The following MAF variants were observed in gnomAD, a reference collection of about 807,000 sequenced individuals.
MAF encodes transcription factor Maf.
Under a neutral mutation model 22.0 loss-of-function variants are expected in MAF, and 10 were observed. The observed-to-expected ratio is 0.45, with a 90% CI of 0.28 to 0.77. MAF has a LOEUF of 0.77. Ranked by LOEUF, MAF falls within the 30% of genes least tolerant of loss-of-function variation. The pLI, the probability that MAF is intolerant of heterozygous loss-of-function variation, is 0.12. For synonymous variants in MAF, 337 were observed against 255.8 expected, an observed-to-expected ratio of 1.32 and a Z score of -3.03; for missense variants, 544 against 548.4, an observed-to-expected ratio of 0.99 and a Z score of 0.08.
chr16:79,293,994 G>C, the MAF span, among the ~76,000 whole-genome samples: 1 of 152,180 alleles, frequency 6.6e-6, no homozygotes, highest in East Asian at 1.9e-4. Context: ...TTTCCCCACA[G>C]ATTTGCTGTA....
At chr16:79,311,945 G>A in the MAF span, among the ~76,000 whole-genome samples, 12 of 152,268 alleles carry the variant, frequency 7.9e-5, no homozygotes, top group East Asian at 3.9e-4. Context: ...GCAGGATGGC[G>A]GAGAGGGAAG....
At chr16:79,473,158 T>G in the MAF span, among the ~76,000 whole-genome samples, 148,099 of 152,200 alleles carry the variant, frequency 0.97, 72,200 homozygotes, top group East Asian at 1. Context: ...AGCGTAGGGA[T>G]AGTCCAGACA....
the MAF span, among the ~76,000 whole-genome samples, chr16:79,514,295 A>G: frequency 1.3e-5 from 2 of 152,232 alleles, no homozygotes; most frequent in African/African-American, 4.8e-5. Context: ...AATGTGTAGC[A>G]GAATTCTTTT....
chr16:79,399,122 T>A, the MAF span, among the ~76,000 whole-genome samples: 1 of 152,154 alleles, frequency 6.6e-6, no homozygotes, highest in East Asian at 1.9e-4. Context: ...TCCGTGGGCG[T>A]TGGAATGGAC....
the MAF span, among the ~76,000 whole-genome samples, chr16:79,278,815 A>G: frequency 3.3e-5 from 5 of 152,084 alleles, no homozygotes; most frequent in Non-Finnish European, 5.9e-5. Flanking sequence ...GCTGGCCCCC[A>G]AGTGTCTGCC....
At chr16:79,545,604 C>T in the MAF span, among the ~76,000 whole-genome samples, 1 of 151,402 alleles carries the variant, frequency 6.6e-6, no homozygotes, top group Non-Finnish European at 1.5e-5. Context: ...TCACTGCAAC[C>T]CCCACCCCCC....
At chr16:79,390,601 C>G in the MAF span, among the ~76,000 whole-genome samples, 2 of 152,160 alleles carry the variant, frequency 1.3e-5, no homozygotes, top group African/African-American at 4.8e-5. Flanking sequence ...AAAAACCCGG[C>G]TTGGAGGTGC....
chr16:79,488,119 C>T, the MAF span, among the ~76,000 whole-genome samples: 1 of 152,144 alleles, frequency 6.6e-6, no homozygotes, highest in Non-Finnish European at 1.5e-5. Context: ...GCACGCCTGG[C>T]GCTGCCACCA....
chr16:79,536,723 T>A, the MAF span, among the ~76,000 whole-genome samples: 42 of 152,252 alleles, frequency 2.8e-4, 1 homozygote, highest in African/African-American at 9.4e-4. Flanking sequence ...GAACTTTTTT[T>A]CCCTGTCATT....
chr16:79,348,128 G>C, the MAF span, among the ~76,000 whole-genome samples: 2 of 152,246 alleles, frequency 1.3e-5, no homozygotes, highest in African/African-American at 4.8e-5. Context: ...AAAATGAGAA[G>C]TGACTCCCCC....
rs947083874 is a variant in MAF at position 79,599,192 on chromosome 16, C to A, written c.711G>T (p.Gly237=). Residue 237 remains glycine (G), a synonymous_variant, in exon 1 of 2, where the codon GGG becomes GGT. Coordinates refer to ENST00000326043, the MANE Select transcript of MAF (RefSeq NM_005360.5). The part of the protein sequence containing the change: ...GGGGGGGGGG[G]GAAGAGGALH... ...GGGCGCCCCCCGCCCCCGCCGCGCC[C>A]CCGCCGCCTCCGCCGCCGCCGCCGC... The A allele has an allele frequency of 2.9e-6, 3 of 1,026,594 alleles. No homozygotes were observed. The highest frequency in any genetic ancestry group is 1.5e-4 in the East Asian group (2 of 13,308). The allele number at this position is 1,026,594 out of a possible 1,614,324, so 63.6% of individuals were successfully genotyped here.
chr16:79,595,716 A>G, intron 1 of MAF: 1 of 1,057,704 alleles, frequency 9.5e-7, no homozygotes, highest in South Asian at 4.6e-5. Context: ...CCTATATTCC[A>G]CACAGGTATT....
At chr16:79,485,335 G>A in the MAF span, among the ~76,000 whole-genome samples, 3 of 152,188 alleles carry the variant, frequency 2.0e-5, no homozygotes, top group East Asian at 1.9e-4. Context: ...ATACGACAGC[G>A]ATTGGCACAC....
the MAF span, among the ~76,000 whole-genome samples, chr16:79,254,395 C>A: frequency 2.6e-5 from 4 of 152,130 alleles, no homozygotes; most frequent in African/African-American, 9.7e-5. Context: ...ATCCAAGGAT[C>A]CTCTTACATT....
At chr16:79,334,861 G>A in the MAF span, among the ~76,000 whole-genome samples, 3,255 of 131,132 alleles carry the variant, frequency 0.025, 66 homozygotes, top group African/African-American at 0.068. Flanking sequence ...GTGTGTGTGT[G>A]TATGTGTGTG....
chr16:79,567,690 G>A, the MAF span, among the ~76,000 whole-genome samples: 8 of 152,168 alleles, frequency 5.3e-5, no homozygotes, highest in African/African-American at 1.4e-4. Context: ...TCTCCTCCCT[G>A]CCTACCATCG....
At chr16:79,336,468 T>C in the MAF span, among the ~76,000 whole-genome samples, 1 of 152,248 alleles carries the variant, frequency 6.6e-6, no homozygotes, top group African/African-American at 2.4e-5. Flanking sequence ...TCAGGGATGC[T>C]GGGAGGAAAA....
chr16:79,494,385 C>T, the MAF span, among the ~76,000 whole-genome samples: 1 of 152,166 alleles, frequency 6.6e-6, no homozygotes, highest in Admixed American at 6.5e-5. Context: ...TCTCACCTCC[C>T]AGAGGCCTCT....
the MAF span, among the ~76,000 whole-genome samples, chr16:79,301,780 C>T: frequency 3.5e-4 from 53 of 152,290 alleles, 1 homozygote; most frequent in African/African-American, 1.3e-3. Flanking sequence ...ACTTACTGTG[C>T]TCTGGGTATG....
Sources: gnomAD v4.1 joint callset for allele counts (sites outside exome capture counted in the v4.1 genomes callset) on GRCh38, gnomAD v4.1.1 for gene constraint, MANE v1.5 for transcripts, NCBI Gene and HGNC (gene_info 2026-07-23, HGNC 2026-07-21) for gene names.